Variants in SEC24B observed in about 807,000 individuals in gnomAD.
SEC24B encodes protein transport protein Sec24B.
A neutral mutation model predicts 142.8 loss-of-function variants in SEC24B; 45 were observed. The observed-to-expected ratio is 0.32, with a 90% CI of 0.25 to 0.40. The LOEUF is 0.40. Among genes scored for constraint, SEC24B ranks in the 10% least tolerant of loss-of-function variants. The pLI is 1.00. For synonymous variants in SEC24B, 574 were observed against 568.2 expected (o/e 1.01, Z -0.15); for missense variants, 1,409 against 1,526.8 (o/e 0.92, Z 1.29).
intron 17 of SEC24B, among the ~76,000 whole-genome samples, chr4:109,526,971 C>G (rs1373435045): frequency 6.6e-6 from 1 of 152,126 alleles, no homozygotes; most frequent in Non-Finnish European, 1.5e-5. Context: ...GTAATCCCAG[C>G]ACTTTGGGAG....
At chr4:109,486,252 T>C (rs1561122547) in intron 4 of SEC24B, among the ~76,000 whole-genome samples, 4 of 152,182 alleles carry the variant, frequency 2.6e-5, no homozygotes, top group Non-Finnish European at 5.9e-5. Context: ...CCTCAACTGT[T>C]AGGGAGTGGA....
Position 109,482,935 on chromosome 4 carries a change from ACT to A in SEC24B, c.1165+1155_1165+1156del, listed in dbSNP as rs1491544290. 7.4e-3 allele frequency among the ~76,000 whole-genome samples: 276 copies of A among 37,234 alleles called. 10 individuals are homozygous for A. The highest frequency in any genetic ancestry group is 0.019 in the Middle Eastern group (1 of 52). The allele number at this position is 37,234 out of a possible 152,430, so 24.4% of individuals were successfully genotyped here. ...GCATGAGCTACCTTGCCAGGCTTGT[ACT>A]ATATATATATATATATATATATATA... On this transcript the variant is annotated intron_variant, in intron 4 of 23. Coordinates refer to ENST00000265175, the MANE Select transcript of SEC24B (RefSeq NM_006323.5).
intron 1 of SEC24B, among the ~76,000 whole-genome samples, chr4:109,445,633 A>G (rs1035078029): frequency 4.0e-5 from 6 of 150,712 alleles, no homozygotes; most frequent in Admixed American, 2.7e-4. Flanking sequence ...CAGTGGTGCA[A>G]TCTTGGCTCA....
chr4:109,520,558 C>A, intron 12 of SEC24B, 74 bp downstream of exon 12: 1 of 828,938 alleles, frequency 1.2e-6, no homozygotes, highest in Non-Finnish European at 2.1e-6. Flanking sequence ...TTAATATACA[C>A]CTTGCTATAT....
At chr4:109,497,453 A>G (rs1735648181) in intron 6 of SEC24B, among the ~76,000 whole-genome samples, 1 of 152,184 alleles carries the variant, frequency 6.6e-6, no homozygotes, top group East Asian at 1.9e-4. Flanking sequence ...GGGGACAAAG[A>G]TATACTAAAA....
intron 1 of SEC24B, among the ~76,000 whole-genome samples, chr4:109,460,616 T>C (rs1731151825): frequency 6.6e-6 from 1 of 151,956 alleles, no homozygotes; most frequent in African/African-American, 2.4e-5. Flanking sequence ...CCCATTTAGT[T>C]CCTAAGCATG....
intron 4 of SEC24B, among the ~76,000 whole-genome samples, chr4:109,485,135 G>T (rs1734218359): frequency 6.6e-6 from 1 of 152,140 alleles, no homozygotes; most frequent in Non-Finnish European, 1.5e-5. Context: ...TTGTTTTAAG[G>T]ATTGAAGATA....
intron 17 of SEC24B, among the ~76,000 whole-genome samples, chr4:109,526,749 G>A (rs1269368231): frequency 2.0e-5 from 3 of 152,058 alleles, no homozygotes; most frequent in Admixed American, 2.0e-4. Context: ...TAAGTTTTCT[G>A]GTATTTTACT....
At chr4:109,451,146 A>G (rs1730038899) in intron 1 of SEC24B, 1 of 152,068 alleles carries the variant, frequency 6.6e-6, no homozygotes, top group Non-Finnish European at 1.5e-5. Flanking sequence ...CCCATTTTAA[A>G]ATTTATTCAA....
intron 1 of SEC24B, chr4:109,449,356 T>G (rs1325847621): frequency 2.8e-6 from 1 of 352,334 alleles, no homozygotes; most frequent in Non-Finnish European, 5.6e-6. Context: ...CCCAAGTAGC[T>G]GGGACTACAG....
At chr4:109,495,473 AGAG>A (rs955966080) in intron 6 of SEC24B, among the ~76,000 whole-genome samples, 16 of 152,330 alleles carry the variant, frequency 1.1e-4, no homozygotes, top group African/African-American at 3.4e-4. Context: ...TAGGCAGAAG[AGAG>A]GAGAAGGAGA....
In SEC24B at chr4:109,458,387, A is replaced by G. The variant is rs115391190; in HGVS notation, c.134-4514A>G. On this transcript the variant is annotated intron_variant, in intron 1 of 23. Coordinates refer to ENST00000265175, the MANE Select transcript of SEC24B (RefSeq NM_006323.5). ...AAATTTGGCTTCTGGGCCCACTTTG[A>G]TTCTGATCTCTACCTCCCTTATTGC... Among the ~76,000 whole-genome samples the G allele has an allele frequency of 3.5e-3, 532 of 152,210 alleles. 3 individuals carry two copies. Among genetic ancestry groups the G allele is most frequent in the African/African-American group, 0.012 (497 of 41,536 alleles).
At chr4:109,447,176 A>G (rs1729556396) in intron 1 of SEC24B, among the ~76,000 whole-genome samples, 1 of 152,214 alleles carries the variant, frequency 6.6e-6, no homozygotes, top group Non-Finnish European at 1.5e-5. Context: ...GGAAAAGCCT[A>G]TCTGAAGATT....
chr4:109,533,232 C>G (rs925879485), intron 21 of SEC24B, among the ~76,000 whole-genome samples: 3 of 151,680 alleles, frequency 2.0e-5, no homozygotes, highest in Non-Finnish European at 2.9e-5. Context: ...GCCTTATGAG[C>G]AGAAAAAGGA....
rs377611429 is a variant in SEC24B, at chr4:109,473,101, A to G, written c.975A>G (p.Ser325=). ...STVLSGSSGS[S]STRTPPTANH... is the part of the protein sequence containing the mutation. ...TTTTATCAGGATCCTCAGGATCCTC[A>G]TCAACAAGAACACCTCCCACTGCAA... Residue 325 remains serine, a synonymous_variant, in exon 3 of 24, where the codon TCA becomes TCG. Transcript: ENST00000265175. 151 of 1,602,190 alleles carry G rather than the reference A, an allele frequency of 9.4e-5. No individual in the cohort carries two copies. Among genetic ancestry groups the G allele is most frequent in the South Asian group, 4.0e-4 (36 of 89,374 alleles).
chr4:109,496,203 A>G (rs1205118782), intron 6 of SEC24B, among the ~76,000 whole-genome samples: 2 of 151,398 alleles, frequency 1.3e-5, no homozygotes, highest in Non-Finnish European at 2.9e-5. Flanking sequence ...ACCTCCGCCT[A>G]CTGGGTTCAA....
intron 10 of SEC24B, among the ~76,000 whole-genome samples, chr4:109,515,394 C>T (rs891463916): frequency 2.6e-5 from 4 of 152,176 alleles, no homozygotes; most frequent in African/African-American, 9.7e-5. Flanking sequence ...AGCTACTGCT[C>T]CTGGCTCCAG....
At chr4:109,434,225 C>A (rs868698015) in intron 1 of SEC24B, among the ~76,000 whole-genome samples, 54 of 107,166 alleles carry the variant, frequency 5.0e-4, no homozygotes, top group African/African-American at 1.8e-3. Context: ...ACGCCCCTGG[C>A]GTGGGGGCGG....
chr4:109,456,334 G>GTTT (rs70949081), intron 1 of SEC24B, among the ~76,000 whole-genome samples: 1,916 of 94,078 alleles, frequency 0.02, 81 homozygotes, highest in African/African-American at 0.075. Context: ...GGTTTTTTTT[G>GTTT]TTTTTTTTTT....
Sources: gnomAD v4.1 joint callset for allele counts (sites outside exome capture counted in the v4.1 genomes callset) on GRCh38, gnomAD v4.1.1 for gene constraint, MANE v1.5 for transcripts, NCBI Gene and HGNC (gene_info 2026-07-23, HGNC 2026-07-21) for gene names.